Variants in ATRNL1 observed in about 807,000 individuals in gnomAD.
The protein encoded by ATRNL1 is attractin-like protein 1.
ATRNL1 carries 95 observed loss-of-function variants against 182.7 expected under a neutral mutation model. The ratio of observed to expected loss-of-function variants is 0.52; its 90% CI spans 0.44 to 0.62. The LOEUF is 0.62. Among genes scored for constraint, ATRNL1 ranks in the 20% least tolerant of loss-of-function variants. ATRNL1 has a pLI of 0.00. For synonymous variants in ATRNL1, 576 were observed against 568.3 expected (o/e 1.01, Z -0.19); for missense variants, 1,471 against 1,679.5 (o/e 0.88, Z 2.17).
At chr10:115,573,429 G>T (rs1011077964) in intron 26 of ATRNL1, among the ~76,000 whole-genome samples, 5 of 152,006 alleles carry the variant, frequency 3.3e-5, no homozygotes, top group Admixed American at 2.0e-4. Context: ...TGGGGTTCAG[G>T]GTTTACATGG....
At chr10:115,283,636 A>G (rs1353710271) in intron 14 of ATRNL1, among the ~76,000 whole-genome samples, 5 of 152,234 alleles carry the variant, frequency 3.3e-5, no homozygotes, top group Admixed American at 1.3e-4. Flanking sequence ...GAATTAAACT[A>G]TAAAATGAAA....
intron 26 of ATRNL1, 99 bp downstream of exon 26, chr10:115,549,635 T>A: frequency 2.6e-6 from 2 of 761,784 alleles, no homozygotes; most frequent in Admixed American, 6.9e-5. Flanking sequence ...ATGCAGAATT[T>A]CAAATCATTT....
chr10:115,561,225 A>T (rs541421527), intron 26 of ATRNL1, among the ~76,000 whole-genome samples: 46 of 152,322 alleles, frequency 3.0e-4, no homozygotes, highest in African/African-American at 1.1e-3. Context: ...ATGGGAGAAC[A>T]CTTTTGCATA....
intron 13 of ATRNL1, among the ~76,000 whole-genome samples, chr10:115,275,782 G>A (rs1852078207): frequency 6.6e-6 from 1 of 152,102 alleles, no homozygotes; most frequent in Non-Finnish European, 1.5e-5. Context: ...GTGAGGGTGA[G>A]CAGATCTTAA....
At chr10:115,274,153 T>C (rs1851997984) in intron 13 of ATRNL1, among the ~76,000 whole-genome samples, 1 of 152,214 alleles carries the variant, frequency 6.6e-6, no homozygotes, top group Admixed American at 6.5e-5. Flanking sequence ...CAGCATCCTG[T>C]CTGCCACTGA....
chr10:115,673,134 T>C (rs1202286499), intron 26 of ATRNL1, among the ~76,000 whole-genome samples: 1 of 152,068 alleles, frequency 6.6e-6, no homozygotes, highest in African/African-American at 2.4e-5. Flanking sequence ...ACCAGGGCAT[T>C]CTGATGGAGA....
At chr10:115,851,913 T>C (rs2134366681) in intron 28 of ATRNL1, among the ~76,000 whole-genome samples, 1 of 152,260 alleles carries the variant, frequency 6.6e-6, no homozygotes, top group Non-Finnish European at 1.5e-5. Flanking sequence ...TACATGACAC[T>C]TAACAACCAA....
intron 9 of ATRNL1, among the ~76,000 whole-genome samples, chr10:115,227,923 G>A (rs553866788): frequency 8.5e-5 from 13 of 152,232 alleles, no homozygotes; most frequent in African/African-American, 3.1e-4. Context: ...GTTATGATAG[G>A]GATTGCCTAT....
At chr10:115,377,424 C>T (rs567286295) in intron 19 of ATRNL1, among the ~76,000 whole-genome samples, 62 of 152,300 alleles carry the variant, frequency 4.1e-4, no homozygotes, top group Non-Finnish European at 7.4e-4. Flanking sequence ...TATTCTTCTT[C>T]GCAGTCTTGG....
At chr10:115,294,316 TC>T in intron 15 of ATRNL1, among the ~76,000 whole-genome samples, 1 of 152,172 alleles carries the variant, frequency 6.6e-6, no homozygotes, top group Non-Finnish European at 1.5e-5. Context: ...CAAGATCCCA[TC>T]TCTGTTAAAA....
chr10:115,247,248 A>G (rs1283188127), intron 10 of ATRNL1, among the ~76,000 whole-genome samples: 3 of 152,204 alleles, frequency 2.0e-5, no homozygotes, highest in Non-Finnish European at 4.4e-5. Context: ...AAATATTTGC[A>G]AACTATTCAT....
rs1278736098 is a variant in ATRNL1, at chr10:115,301,959, A to G, written c.2734A>G (p.Thr912Ala). The G allele has an allele frequency of 1.2e-6, 2 of 1,614,044 alleles. No individual in the cohort carries two copies. The highest frequency in any genetic ancestry group is 2.7e-5 in the African/African-American group (2 of 74,950). The change falls in exon 17 of 29, where the codon ACG becomes GCG. Residue 912 changes from threonine (T) to alanine (A), a missense_variant. Physicochemically the swap from Thr to Ala is moderately conservative, Grantham distance 58. This residue lies in a region of ATRNL1 where 1,031 missense variants were observed against 1,156.0 expected (regional missense o/e 0.89). Transcript: ENST00000355044. ...NGMECMWCSS[T>A]KRCVDSNAYI... ...CATGGAGTGTATGTGGTGCAGCAGTACGAAACGATGTGTTGACTCTAATGC... is the reference window on the plus strand; with the variant it reads ...CATGGAGTGTATGTGGTGCAGCAGTGCGAAACGATGTGTTGACTCTAATGC...
At chr10:115,722,247 A>T (rs1166440318) in intron 26 of ATRNL1, among the ~76,000 whole-genome samples, 1 of 138,180 alleles carries the variant, frequency 7.2e-6, no homozygotes, top group Non-Finnish European at 1.6e-5. Flanking sequence ...CAGGTCAAAG[A>T]TTATAAAAGC....
intron 28 of ATRNL1, among the ~76,000 whole-genome samples, chr10:115,868,369 G>A (rs994645881): frequency 5.3e-5 from 8 of 152,146 alleles, no homozygotes; most frequent in Middle Eastern, 3.4e-3. Flanking sequence ...ACCCGTGACC[G>A]CCAAGTCTCT....
At chr10:115,876,621 A>G (rs967303967) in intron 28 of ATRNL1, among the ~76,000 whole-genome samples, 1 of 152,182 alleles carries the variant, frequency 6.6e-6, no homozygotes, top group South Asian at 2.1e-4. Flanking sequence ...GTAAATAGAC[A>G]TAGAATTCAG....
At chr10:115,780,435 G>A (rs1949235872) in intron 27 of ATRNL1, among the ~76,000 whole-genome samples, 1 of 152,204 alleles carries the variant, frequency 6.6e-6, no homozygotes, top group Admixed American at 6.5e-5. Flanking sequence ...TGGGCCAGTA[G>A]ACCTTGGTAG....
intron 9 of ATRNL1, among the ~76,000 whole-genome samples, chr10:115,240,777 G>A (rs980715952): frequency 6.6e-6 from 1 of 151,720 alleles, no homozygotes; most frequent in African/African-American, 2.4e-5. Context: ...AGTTATAATT[G>A]TGAGCATATA....
chr10:115,504,591 G>A (rs2133646553), intron 24 of ATRNL1, among the ~76,000 whole-genome samples: 1 of 152,162 alleles, frequency 6.6e-6, no homozygotes, highest in South Asian at 2.1e-4. Flanking sequence ...TATAGTATTT[G>A]AAAGGAATAA....
intron 5 of ATRNL1, among the ~76,000 whole-genome samples, chr10:115,144,733 T>C (rs1204962440): frequency 6.6e-6 from 1 of 152,224 alleles, no homozygotes; most frequent in Non-Finnish European, 1.5e-5. Context: ...AAGAGATTAT[T>C]TGCCCTTGTC....
Sources: allele counts gnomAD v4.1 joint callset (sites outside exome capture counted in the v4.1 genomes callset), GRCh38; gene constraint gnomAD v4.1.1; regional missense constraint gnomAD v4.1.1; transcripts MANE v1.5; gene names NCBI Gene and HGNC (gene_info 2026-07-23, HGNC 2026-07-21).